Variants in TBCEL observed in about 807,000 individuals in gnomAD.
TBCEL encodes tubulin folding cofactor E like.
TBCEL carries 15 observed loss-of-function variants against 44.2 expected under a neutral mutation model. The ratio of observed to expected loss-of-function variants is 0.34; its 90% CI spans 0.23 to 0.52. The LOEUF is 0.52. Ranked by LOEUF, TBCEL falls within the 20% of genes least tolerant of loss-of-function variation. The pLI, the probability that TBCEL is intolerant of heterozygous loss-of-function variation, is 0.95. For synonymous variants in TBCEL, 171 were observed against 185.4 expected (o/e 0.92, Z 0.63); for missense variants, 319 against 506.3 (o/e 0.63, Z 3.55).
chr11:121,083,578 G>A (rs886855971), intron 8 of TBCEL, among the ~76,000 whole-genome samples: 39 of 152,104 alleles, frequency 2.6e-4, no homozygotes, highest in Non-Finnish European at 4.9e-4. Context: ...CTGAATGTAG[G>A]TCATAATTTT....
At chr11:121,058,309 C>T (rs900586565) in intron 6 of TBCEL, 36 bp from the exon 7 acceptor site, 1 of 1,603,492 alleles carries the variant, frequency 6.2e-7, no homozygotes, top group African/African-American at 1.3e-5. Context: ...TTATGTGCAT[C>T]TCTGGATTTA....
chr11:121,043,018 A>G (rs868601231), intron 2 of TBCEL, among the ~76,000 whole-genome samples: 14 of 152,178 alleles, frequency 9.2e-5, no homozygotes, highest in African/African-American at 3.4e-4. Context: ...CTTTAATCCA[A>G]CTAGTGCATT....
At chr11:121,078,663 A>G (rs927143757) in intron 8 of TBCEL, among the ~76,000 whole-genome samples, 8 of 152,150 alleles carry the variant, frequency 5.3e-5, no homozygotes, top group African/African-American at 1.7e-4. Flanking sequence ...CCCTACTTCA[A>G]GCAGGGAACC....
intron 6 of TBCEL, among the ~76,000 whole-genome samples, chr11:121,057,826 TG>T (rs201694919): frequency 7.0e-6 from 1 of 142,236 alleles, no homozygotes; most frequent in South Asian, 2.2e-4. Context: ...TAGGAGGTCC[TG>T]GAAACCAGTC....
At chr11:121,083,576 A>G (rs1946163602) in intron 8 of TBCEL, among the ~76,000 whole-genome samples, 1 of 152,240 alleles carries the variant, frequency 6.6e-6, no homozygotes, top group African/African-American at 2.4e-5. Flanking sequence ...TTCTGAATGT[A>G]GGTCATAATT....
intron 1 of TBCEL, among the ~76,000 whole-genome samples, chr11:121,026,679 A>G (rs1359521953): frequency 1.3e-5 from 2 of 152,228 alleles, no homozygotes; most frequent in African/African-American, 4.8e-5. Flanking sequence ...TTTATTAGGT[A>G]CTGATAGAGG....
chr11:121,057,680 A>T (rs1945646555), intron 6 of TBCEL: 1 of 447,314 alleles, frequency 2.2e-6, no homozygotes, highest in Non-Finnish European at 4.5e-6. Context: ...ACAATACAGT[A>T]TCACAATTAT....
intron 8 of TBCEL, among the ~76,000 whole-genome samples, chr11:121,064,456 C>T (rs1945780794): frequency 6.6e-6 from 1 of 152,150 alleles, no homozygotes; most frequent in African/African-American, 2.4e-5. Flanking sequence ...TTATTCTAAT[C>T]CTAAAGATTC....
At chr11:121,048,097 T>G (rs1293934203) in intron 4 of TBCEL, among the ~76,000 whole-genome samples, 1 of 151,960 alleles carries the variant, frequency 6.6e-6, no homozygotes. Context: ...AGAGGTTGAT[T>G]AGTCTTTGTC....
intron 8 of TBCEL, among the ~76,000 whole-genome samples, chr11:121,068,159 G>A (rs115416489): frequency 1.6e-3 from 239 of 152,268 alleles, no homozygotes; most frequent in African/African-American, 5.1e-3. Context: ...GCGCTTTCCA[G>A]CTGCCTGCTT....
intron 8 of TBCEL, among the ~76,000 whole-genome samples, chr11:121,060,955 T>C (rs1256233791): frequency 1.3e-5 from 2 of 152,036 alleles, no homozygotes; most frequent in African/African-American, 4.8e-5. Context: ...TGTGTCTATT[T>C]TCCCCCCAAA....
intron 6 of TBCEL, chr11:121,057,431 C>T: frequency 3.6e-6 from 1 of 279,758 alleles, no homozygotes; most frequent in Non-Finnish European, 7.0e-6. Context: ...CATTTTAGGA[C>T]TAAAAATCTT....
At chr11:121,024,951 GGGAA>G (rs758573020) in intron 1 of TBCEL, among the ~76,000 whole-genome samples, 1 of 152,168 alleles carries the variant, frequency 6.6e-6, no homozygotes, top group African/African-American at 2.4e-5. Flanking sequence ...GGGATCTTGG[GGGAA>G]GTAAGGATCT....
At chr11:121,026,646 T>G (rs1945051384) in intron 1 of TBCEL, among the ~76,000 whole-genome samples, 1 of 152,238 alleles carries the variant, frequency 6.6e-6, no homozygotes, top group African/African-American at 2.4e-5. Context: ...TTGTGTGTTA[T>G]AAATCTTTCT....
At chr11:121,059,925 A>G (rs1377884788) in intron 7 of TBCEL, 44 bp from the exon 8 acceptor site, 2 of 1,340,056 alleles carry the variant, frequency 1.5e-6, no homozygotes, top group Non-Finnish European at 2.1e-6. Context: ...AGCTAAATAT[A>G]TTAGTATCTT....
chr11:121,063,369 T>C lies in TBCEL; in HGVS notation c.956+3284T>C, dbSNP rs191202951. Among the ~76,000 whole-genome samples, 268 of 152,330 alleles carry C rather than the reference T, an allele frequency of 1.8e-3. 1 individual carries two copies. Among genetic ancestry groups the C allele is most frequent in the Non-Finnish European group, 2.9e-3 (200 of 68,016 alleles). On this transcript the variant is annotated intron_variant, in intron 8 of 8. Transcript: ENST00000683345. ...GTTATATTTTTAAAAATTATTCTTA[T>C]CTGCCCTAATGCATTCCTTGCACAA...
rs1946275854 is a variant in TBCEL at position 121,090,624 on chromosome 11, G to A, written c.*3528G>A. The A allele has an allele frequency of 6.6e-6, 1 of 151,282 alleles. No individual in the cohort carries two copies. The highest frequency in any genetic ancestry group is 1.5e-5 in the Non-Finnish European group (1 of 67,870). 9.4% of individuals were successfully genotyped at this position (151,282 alleles called of 1,614,324 possible). ...CTGGACTCTCTCAGGCTCTTTACTT[G>A]CCAGTTGTCTCCCGCAGTTAATGGA... is the stretch of plus-strand genomic sequence containing the variant. On this transcript the variant is annotated 3_prime_UTR_variant, in exon 9 of 9. Coordinates refer to ENST00000683345, the MANE Select transcript of TBCEL (RefSeq NM_001363644.2).
At chr11:121,036,424 TA>T (rs1296739576) in intron 1 of TBCEL, 80 bp from the exon 2 acceptor site, 2 of 152,372 alleles carry the variant, frequency 1.3e-5, no homozygotes, top group East Asian at 3.9e-4. Context: ...GCCCTTGGAG[TA>T]AAAGTCAGTG....
At chr11:121,049,697 C>A (rs895161743) in intron 4 of TBCEL, among the ~76,000 whole-genome samples, 1 of 151,744 alleles carries the variant, frequency 6.6e-6, no homozygotes, top group Non-Finnish European at 1.5e-5. Context: ...TTTGGAAATA[C>A]AAAATTTTAC....
Sources: allele counts gnomAD v4.1 joint callset (sites outside exome capture counted in the v4.1 genomes callset), GRCh38; gene constraint gnomAD v4.1.1; transcripts MANE v1.5; gene names NCBI Gene and HGNC (gene_info 2026-07-23, HGNC 2026-07-21).